The following AP3B1 variants were observed in gnomAD, a reference collection of about 807,000 sequenced individuals.
AP3B1 encodes adaptor related protein complex 3 subunit beta 1.
Under a neutral mutation model 132.5 loss-of-function variants are expected in AP3B1, and 61 were observed. The observed-to-expected ratio is 0.46, with a 90% CI of 0.37 to 0.57. The LOEUF (loss-of-function observed/expected upper bound fraction) is 0.57. Ranked by LOEUF, AP3B1 falls within the 20% of genes least tolerant of loss-of-function variation. The pLI, the probability that AP3B1 is intolerant of heterozygous loss-of-function variation, is 0.00. For synonymous variants in AP3B1, 388 were observed against 438.3 expected, an observed-to-expected ratio of 0.89 and a Z score of 1.43; for missense variants, 1,120 against 1,289.4, an observed-to-expected ratio of 0.87 and a Z score of 2.01.
intron 1 of AP3B1, among the ~76,000 whole-genome samples, chr5:78,289,429 C>CAGTA (rs1254458512): frequency 2.0e-5 from 3 of 152,164 alleles, no homozygotes; most frequent in Non-Finnish European, 2.9e-5. Context: ...GGAAAGCATG[C>CAGTA]AGTACTTTGC....
At chr5:78,160,980 T>G (rs1743364241) in intron 13 of AP3B1, among the ~76,000 whole-genome samples, 1 of 151,752 alleles carries the variant, frequency 6.6e-6, no homozygotes, top group African/African-American at 2.4e-5. Context: ...AATTTAAGTT[T>G]GTTAATATTC....
chr5:78,148,478 T>C (rs886334612), intron 14 of AP3B1, among the ~76,000 whole-genome samples: 3 of 152,198 alleles, frequency 2.0e-5, no homozygotes, highest in Non-Finnish European at 2.9e-5. Flanking sequence ...GAGACTACCA[T>C]AATAATTTCA....
intron 17 of AP3B1, among the ~76,000 whole-genome samples, chr5:78,124,480 C>G (rs1346686012): frequency 6.6e-6 from 1 of 152,136 alleles, no homozygotes; most frequent in Non-Finnish European, 1.5e-5. Context: ...GGAGCTGAGG[C>G]AGGAGGATGG....
chr5:78,164,006 T>TA (rs1379424022), intron 12 of AP3B1, among the ~76,000 whole-genome samples: 1 of 152,018 alleles, frequency 6.6e-6, no homozygotes, highest in Non-Finnish European at 1.5e-5. Flanking sequence ...TAAAGATGTC[T>TA]AAAAAAATAC....
chr5:78,009,291 CAAAAAAA>C (rs1286628758), intron 26 of AP3B1, among the ~76,000 whole-genome samples: 3 of 51,962 alleles, frequency 5.8e-5, no homozygotes, highest in Non-Finnish European at 8.7e-5. Context: ...CCTGTCTCTA[CAAAAAAA>C]AAAAAAAAAA....
At chr5:78,016,664 G>C (rs1004809461) in intron 25 of AP3B1, among the ~76,000 whole-genome samples, 4 of 152,060 alleles carry the variant, frequency 2.6e-5, no homozygotes, top group Non-Finnish European at 5.9e-5. Flanking sequence ...ACGATTAACA[G>C]TATGAAAACA....
At chr5:78,111,922 G>A (rs1292672461) in intron 19 of AP3B1, among the ~76,000 whole-genome samples, 1 of 152,086 alleles carries the variant, frequency 6.6e-6, no homozygotes, top group East Asian at 1.9e-4. Flanking sequence ...AACAAGAGGG[G>A]CAGAACTAGA....
At chr5:78,121,256 T>A (rs1327658921) in intron 17 of AP3B1, among the ~76,000 whole-genome samples, 4 of 151,506 alleles carry the variant, frequency 2.6e-5, no homozygotes, top group Non-Finnish European at 5.9e-5. Flanking sequence ...GATCCAAAAT[T>A]GACACCCTAA....
At chr5:78,084,678 T>C (rs752446699) in intron 22 of AP3B1, among the ~76,000 whole-genome samples, 4 of 152,008 alleles carry the variant, frequency 2.6e-5, no homozygotes, top group African/African-American at 4.8e-5. Context: ...GGGTAATAGA[T>C]GTATTACATC....
At chr5:78,248,788 G>A (rs1013443903) in intron 2 of AP3B1, among the ~76,000 whole-genome samples, 12 of 151,916 alleles carry the variant, frequency 7.9e-5, no homozygotes, top group African/African-American at 1.9e-4. Flanking sequence ...TTTCATCTTC[G>A]TTCTTGAAGG....
intron 14 of AP3B1, among the ~76,000 whole-genome samples, chr5:78,145,129 T>C (rs1367593226): frequency 6.6e-6 from 1 of 152,244 alleles, no homozygotes; most frequent in Non-Finnish European, 1.5e-5. Context: ...TCTATTTGAT[T>C]TGACCGAATT....
intron 5 of AP3B1, among the ~76,000 whole-genome samples, chr5:78,226,117 T>TTGAGATAGAATACTAACAGACTA (rs1250507542): frequency 1.3e-5 from 2 of 152,012 alleles, no homozygotes; most frequent in Non-Finnish European, 2.9e-5. Flanking sequence ...CTTAAAACAT[T>TTGAGATAGAATACTAACAGACTA]TGAGATAGAA....
intron 7 of AP3B1, among the ~76,000 whole-genome samples, chr5:78,207,194 A>C (rs543049119): frequency 6.7e-6 from 1 of 149,806 alleles, no homozygotes; most frequent in African/African-American, 2.5e-5. Context: ...GGAGGCGGAG[A>C]TTGCAGTGAG....
At chr5:78,066,603 A>C (rs1279005545) in intron 22 of AP3B1, among the ~76,000 whole-genome samples, 2 of 152,238 alleles carry the variant, frequency 1.3e-5, no homozygotes, top group Admixed American at 6.5e-5. Flanking sequence ...TAAGACAGGC[A>C]GACAAAATTA....
intron 26 of AP3B1, among the ~76,000 whole-genome samples, chr5:78,004,624 T>G (rs1455843097): frequency 2.6e-5 from 4 of 152,260 alleles, no homozygotes; most frequent in African/African-American, 9.6e-5. Flanking sequence ...ACAGATATGC[T>G]AATTTTACTA....
intron 7 of AP3B1, among the ~76,000 whole-genome samples, chr5:78,196,561 C>T (rs1745083961): frequency 6.6e-6 from 1 of 152,142 alleles, no homozygotes; most frequent in African/African-American, 2.4e-5. Flanking sequence ...ACACAAAAGC[C>T]TGCACATGGA....
At chr5:78,170,144 T>C (rs1743848733) in intron 11 of AP3B1, among the ~76,000 whole-genome samples, 1 of 152,220 alleles carries the variant, frequency 6.6e-6, no homozygotes, top group African/African-American at 2.4e-5. Context: ...ATTTTCTTAA[T>C]TCAGTCTATC....
intron 7 of AP3B1, among the ~76,000 whole-genome samples, chr5:78,208,980 T>C (rs559818968): frequency 1.2e-4 from 18 of 152,054 alleles, no homozygotes; most frequent in Admixed American, 9.8e-4. Context: ...CATAAGGTAA[T>C]AGAAGAATGA....
chr5:78,039,119 A>G lies in AP3B1; in HGVS notation c.2733T>C (p.Asp911=). The change falls in exon 23 of 27, where the codon GAT becomes GAC. Residue 911 remains aspartate, a synonymous_variant. Coordinates refer to ENST00000255194, the MANE Select transcript of AP3B1 (RefSeq NM_003664.5). The part of the protein sequence containing the change: ...SIQITLNNTT[D]RKIENIHIGE... ...CTATGTGGATATTTTCTATCTTTCG[A>G]TCAGTAGTGTTATTCAGTGTTATTT... is the stretch of plus-strand genomic sequence containing the variant. The G allele has an allele frequency of 6.2e-7, 1 of 1,613,684 alleles. No individual in the cohort carries two copies. The highest frequency in any genetic ancestry group is 8.5e-7 in the Non-Finnish European group (1 of 1,179,748).
Sources: allele counts gnomAD v4.1 joint callset (sites outside exome capture counted in the v4.1 genomes callset), GRCh38; gene constraint gnomAD v4.1.1; transcripts MANE v1.5; gene names NCBI Gene and HGNC (gene_info 2026-07-23, HGNC 2026-07-21).